The following CEACAM16 variants were observed in gnomAD, a reference collection of about 807,000 sequenced individuals.
CEACAM16 encodes the protein cell adhesion molecule CEACAM16.
CEACAM16 carries 30 observed loss-of-function variants against 39.4 expected under a neutral mutation model. The observed-to-expected ratio is 0.76, with a 90% confidence interval of 0.57 to 1.03. The LOEUF (loss-of-function observed/expected upper bound fraction) is 1.03, where lower values mean the gene tolerates loss of function less well. Ranked by LOEUF, CEACAM16 falls within the 50% of genes least tolerant of loss-of-function variation. The pLI, the probability that CEACAM16 is intolerant of heterozygous loss-of-function variation, is 0.00. For synonymous variants in CEACAM16, 262 were observed against 264.9 expected (o/e 0.99, Z 0.11); for missense variants, 521 against 585.3 (o/e 0.89, Z 1.13).
At chr19:44,705,204 A>G (rs368217445) in intron 4 of CEACAM16, among the ~76,000 whole-genome samples, 7 of 152,128 alleles carry the variant, frequency 4.6e-5, no homozygotes, top group African/African-American at 1.7e-4. Context: ...TCTTAGAAAC[A>G]TAGATTTCTA....
intron 2 of CEACAM16, 124 bp from the exon 3 acceptor site, chr19:44,703,225 C>T (rs555157478): frequency 1.4e-5 from 11 of 802,972 alleles, no homozygotes; most frequent in South Asian, 1.0e-4. Context: ...CTGGTTTTGC[C>T]TGTCCTCATT....
At chr19:44,699,672 C>T (rs1488682309) in intron 1 of CEACAM16, among the ~76,000 whole-genome samples, 5 of 152,004 alleles carry the variant, frequency 3.3e-5, no homozygotes, top group East Asian at 1.9e-4. Flanking sequence ...CCACTGCGTC[C>T]GGCCATGAGC....
chr19:44,708,050 C>T lies in CEACAM16; in HGVS notation c.1130C>T (p.Thr377Ile). ...SGTWIAGPAHTGREVGFPNCS... is the reference protein window; with the variant it reads ...SGTWIAGPAHIGREVGFPNCS... ...ACCTGGATTGCAGGCCCCGCGCACA[C>T]AGGCCGGGAGGTGGGCTTCCCCAAC... The change falls in exon 6 of 7, where the codon ACA becomes ATA. Residue 377 changes from threonine to isoleucine, a missense_variant. Thr to Ile is a moderately conservative substitution (Grantham distance 89). Transcript: ENST00000587331. 1 of 1,612,688 alleles carries T rather than the reference C, an allele frequency of 6.2e-7. No homozygotes were observed. The highest frequency in any genetic ancestry group is 8.5e-7 in the Non-Finnish European group (1 of 1,179,632).
At chr19:44,704,836 T>G (rs1049966829) in intron 4 of CEACAM16, among the ~76,000 whole-genome samples, 10 of 151,866 alleles carry the variant, frequency 6.6e-5, no homozygotes, top group African/African-American at 2.4e-4. Flanking sequence ...TACTATTGAA[T>G]AATCCTTCAG....
chr19:44,708,261 A>C, intron 6 of CEACAM16, 74 bp downstream of exon 6: 1 of 1,384,554 alleles, frequency 7.2e-7, no homozygotes. Flanking sequence ...TGCTTCCTCC[A>C]TCAGGCTGGG....
In CEACAM16 at chr19:44,707,351, C is replaced by T. The variant is rs532107295; in HGVS notation, c.941-510C>T. Among the ~76,000 whole-genome samples, 11 of 152,294 alleles carry T rather than the reference C, an allele frequency of 7.2e-5. No individual in the cohort carries two copies. The South Asian group carries it at 1.4e-3, about 20-fold the overall frequency. On this transcript the variant is annotated intron_variant, in intron 5 of 6. Transcript: ENST00000587331. ...TCTCAATCTGATGGAGGAAACAGGG[C>T]TGCCGCCTTGTAGGAATTTTCAATC... is the stretch of plus-strand genomic sequence containing the variant.
chr19:44,705,693 G>A lies in CEACAM16; in HGVS notation c.765G>A (p.Arg255=). 2 of 1,613,914 alleles carry A rather than the reference G, an allele frequency of 1.2e-6. No homozygotes were observed. The highest frequency in any genetic ancestry group is 2.2e-5 in the South Asian group (2 of 91,066). Reference sequence around the variant, plus strand: ...CCCTCACCCTGTGGTGCGTGTCCAGGTCCTGCCCAGAGCCCGAGTATGTGT... The same window carrying A: ...CCCTCACCCTGTGGTGCGTGTCCAGATCCTGCCCAGAGCCCGAGTATGTGT... The part of the protein sequence containing the change: ...NTSLTLWCVS[R]SCPEPEYVWT... The change falls in exon 5 of 7, where the codon AGG becomes AGA. Residue 255 remains arginine (R), a synonymous_variant. Transcript: ENST00000587331.
intron 1 of CEACAM16, among the ~76,000 whole-genome samples, chr19:44,699,644 T>C (rs1008439879): frequency 6.6e-6 from 1 of 152,072 alleles, no homozygotes; most frequent in East Asian, 1.9e-4. Context: ...CCCAAAGTGC[T>C]AGGACTACAG....
intron 2 of CEACAM16, among the ~76,000 whole-genome samples, chr19:44,702,307 AC>A (rs1249973948): frequency 1.3e-5 from 2 of 151,450 alleles, no homozygotes; most frequent in Non-Finnish European, 2.9e-5. Context: ...AAAAAAAACA[AC>A]CCCAAACCAC....
chr19:44,704,156 C>G lies in CEACAM16; in HGVS notation c.521C>G (p.Ala174Gly). The G allele has an allele frequency of 1.3e-6, 2 of 1,588,840 alleles. No individual in the cohort carries two copies. Among genetic ancestry groups the G allele is most frequent in the South Asian group, 1.1e-5 (1 of 87,400 alleles). The change falls in exon 4 of 7, where the codon GCT (alanine) becomes GGT (glycine). Residue 174 changes from alanine to glycine, a missense_variant. Coordinates refer to ENST00000587331, the MANE Select transcript of CEACAM16 (RefSeq NM_001039213.4). ...WFFNGGALPVALRLGLSPDGR... is the reference protein window; with the variant it reads ...WFFNGGALPVGLRLGLSPDGR... ...TTCAACGGTGGGGCCCTGCCCGTCG[C>G]TCTCCGCCTGGGCCTGTCCCCTGAC...
At chr19:44,702,517 A>T (rs1475651722) in intron 2 of CEACAM16, among the ~76,000 whole-genome samples, 1 of 152,250 alleles carries the variant, frequency 6.6e-6, no homozygotes. Flanking sequence ...TTTTGACGTG[A>T]GCACTGTCAC....
intron 3 of CEACAM16, 40 bp downstream of exon 3, chr19:44,703,733 C>T (rs770790981): frequency 7.3e-6 from 10 of 1,378,288 alleles, no homozygotes; most frequent in Non-Finnish European, 4.8e-6. Context: ...CCCAGCTGGG[C>T]CTTCCCATCT....
In CEACAM16 at chr19:44,703,766, T is replaced by TA. The variant is rs200629926; in HGVS notation, c.382+87dup. ...TCTCCTTCTCAATCCTTCTTTTTTT[T>TA]AAAAAAAAAAAAAATCCAACAAATC... On this transcript the variant is annotated intron_variant, in intron 3 of 6. Coordinates refer to ENST00000587331, the MANE Select transcript of CEACAM16 (RefSeq NM_001039213.4). 73,048 of 876,034 alleles carry TA rather than the reference T, an allele frequency of 0.083. 287 individuals are homozygous for TA. Among genetic ancestry groups the TA allele is most frequent in the South Asian group, 0.1 (4,111 of 39,408 alleles). The allele number at this position is 876,034 out of a possible 1,614,324, so 54.3% of individuals were successfully genotyped here.
intron 1 of CEACAM16, among the ~76,000 whole-genome samples, chr19:44,700,676 C>A (rs994116580): frequency 1.3e-5 from 2 of 152,200 alleles, no homozygotes; most frequent in Non-Finnish European, 2.9e-5. Context: ...AAACTCAGCT[C>A]TCCTTGGCCC....
rs369526797 is a variant in CEACAM16, at chr19:44,708,044, C to A, written c.1124C>A (p.Ala375Glu). 6 of 1,612,550 alleles carry A rather than the reference C, an allele frequency of 3.7e-6. No homozygotes were observed. Among genetic ancestry groups the A allele is most frequent in the Non-Finnish European group, 5.1e-6 (6 of 1,179,586 alleles). The stretch of plus-strand genomic sequence containing the variant: ...TCAGGAACCTGGATTGCAGGCCCCG[C>A]GCACACAGGCCGGGAGGTGGGCTTC... ...LPSGTWIAGP[A>E]HTGREVGFPN... Residue 375 changes from alanine to glutamate, a missense_variant, in exon 6 of 7, where the codon GCG (alanine) becomes GAG (glutamate). Coordinates refer to ENST00000587331, the MANE Select transcript of CEACAM16 (RefSeq NM_001039213.4).
chr19:44,703,249 C>A, intron 2 of CEACAM16, 100 bp from the exon 3 acceptor site: 1 of 1,078,706 alleles, frequency 9.3e-7, no homozygotes, highest in Non-Finnish European at 1.3e-6. Context: ...ACAGAGGACA[C>A]TGGGCTGGGG....
In CEACAM16 at chr19:44,705,784, G is replaced by T; in HGVS notation, c.856G>T (p.Ala286Ser). 6.2e-7 allele frequency: 1 copy of T among 1,613,996 alleles called. No homozygotes were observed. Among genetic ancestry groups the T allele is most frequent in the Non-Finnish European group, 8.5e-7 (1 of 1,179,904 alleles). Reference protein sequence around the residue: ...DHLNISSMTAAQEGTYTCIAK... With the variant: ...DHLNISSMTASQEGTYTCIAK... ...CCTCAACATCAGCAGCATGACAGCCGCCCAGGAGGGGACGTACACATGTAT... is the reference window on the plus strand; with the variant it reads ...CCTCAACATCAGCAGCATGACAGCCTCCCAGGAGGGGACGTACACATGTAT... Residue 286 changes from alanine (A) to serine (S), a missense_variant, in exon 5 of 7, where the codon GCC (alanine) becomes TCC (serine). Coordinates refer to ENST00000587331, the MANE Select transcript of CEACAM16 (RefSeq NM_001039213.4).
At position 44,703,486 on chromosome 19, in the gene CEACAM16, C is replaced by A; in HGVS notation, c.175C>A (p.Leu59Ile). Reference sequence around the variant, plus strand: ...CTACAGCTGGTATGCGGGGCCCACACTCAGCGTGTCATACCTGGTGGCCAG... The same window carrying A: ...CTACAGCTGGTATGCGGGGCCCACAATCAGCGTGTCATACCTGGTGGCCAG... ...LAYSWYAGPTLSVSYLVASYI... is the reference protein window; with the variant it reads ...LAYSWYAGPTISVSYLVASYI... Residue 59 changes from leucine (L) to isoleucine (I), a missense_variant, in exon 3 of 7, where the codon CTC becomes ATC. Leu to Ile is a conservative substitution (Grantham distance 5). Transcript: ENST00000587331. The A allele has an allele frequency of 6.2e-7, 1 of 1,613,860 alleles. No individual in the cohort carries two copies. Among genetic ancestry groups the A allele is most frequent in the South Asian group, 1.1e-5 (1 of 91,086 alleles).
Position 44,705,602 on chromosome 19 carries a change from G to T in CEACAM16, c.674G>T (p.Arg225Leu). 1 of 1,602,714 alleles carries T rather than the reference G, an allele frequency of 6.2e-7. No individual in the cohort carries two copies. The highest frequency in any genetic ancestry group is 8.5e-7 in the Non-Finnish European group (1 of 1,171,288). ...CCTGCCCCCACAGTTGGCCCAGAGC[G>T]TGTGGCCATCCTCCAGGATTCCACC... is the stretch of plus-strand genomic sequence containing the variant. Reference protein sequence around the residue: ...INLTVYFGPERVAILQDSTTR... With the variant: ...INLTVYFGPELVAILQDSTTR... Residue 225 changes from arginine (R) to leucine (L), a missense_variant, in exon 5 of 7, where the codon CGT (arginine) becomes CTT (leucine). By Grantham distance (102) the Arg-to-Leu change is moderately radical. Coordinates refer to ENST00000587331, the MANE Select transcript of CEACAM16 (RefSeq NM_001039213.4).
Sources: allele counts gnomAD v4.1 joint callset (sites outside exome capture counted in the v4.1 genomes callset), GRCh38; gene constraint gnomAD v4.1.1; transcripts MANE v1.5; gene names NCBI Gene and HGNC (gene_info 2026-07-23, HGNC 2026-07-21).